Variants in ARPC2 observed in about 807,000 individuals in gnomAD.
The protein encoded by ARPC2 is actin related protein 2/3 complex subunit 2.
A neutral mutation model predicts 38.6 loss-of-function variants in ARPC2; 4 were observed. The observed-to-expected ratio is 0.10, with a 90% CI of 0.05 to 0.24. The LOEUF (loss-of-function observed/expected upper bound fraction) is 0.24, where lower values mean the gene tolerates loss of function less well. Among genes scored for constraint, ARPC2 ranks in the 10% least tolerant of loss-of-function variants. The probability of loss-of-function intolerance (pLI) is 1.00; values close to 1 mark genes in which losing one functional copy is unlikely to be tolerated. For synonymous variants in ARPC2, 125 were observed against 140.8 expected (o/e 0.89, Z 0.79); for missense variants, 229 against 387.3 (o/e 0.59, Z 3.43).
chr2:218,230,387 G>T (rs960167392), intron 4 of ARPC2, among the ~76,000 whole-genome samples: 7 of 138,890 alleles, frequency 5.0e-5, no homozygotes, highest in African/African-American at 1.9e-4. Context: ...AACCTCCCAG[G>T]CTCAAGCAGT....
At position 218,249,452 on chromosome 2, in the gene ARPC2, C is replaced by A. The variant is rs150855660; in HGVS notation, c.765C>A (p.Ile255=). 653 of 1,608,824 alleles carry A rather than the reference C, an allele frequency of 4.1e-4. 2 individuals are homozygous for A. The African/African-American group carries it at 5.9e-3, about 14-fold the overall frequency. Residue 255 remains isoleucine (I), a synonymous_variant, in exon 9 of 11, where the codon ATC becomes ATA. Transcript: ENST00000315717. ...TCCGGGACTACCTGCACTACCACAT[C>A]AAGTGCTCTAAGGTGAGGGGGGTGC... The part of the protein sequence containing the change: ...HTFRDYLHYH[I]KCSKAYIHTR...
At chr2:218,245,199 T>G (rs1471310013) in intron 7 of ARPC2, among the ~76,000 whole-genome samples, 1 of 152,224 alleles carries the variant, frequency 6.6e-6, no homozygotes, top group Non-Finnish European at 1.5e-5. Flanking sequence ...ATTTTGAAGA[T>G]CTGACTTATT....
At chr2:218,244,349 T>G (rs1038293516) in intron 7 of ARPC2, among the ~76,000 whole-genome samples, 1 of 152,240 alleles carries the variant, frequency 6.6e-6, no homozygotes, top group African/African-American at 2.4e-5. Flanking sequence ...GGCTTGCTAA[T>G]CAGTGTTTAT....
intron 3 of ARPC2, among the ~76,000 whole-genome samples, chr2:218,227,683 C>T (rs577849332): frequency 2.0e-5 from 3 of 152,202 alleles, no homozygotes; most frequent in Admixed American, 6.5e-5. Flanking sequence ...CTCCACCCCC[C>T]GGGTTCAAGC....
chr2:218,218,314 C>T (rs768417805), intron 2 of ARPC2, among the ~76,000 whole-genome samples: 3 of 152,182 alleles, frequency 2.0e-5, no homozygotes, highest in Non-Finnish European at 2.9e-5. Context: ...GTAGCCCTGG[C>T]CCAGTTACAC....
chr2:218,243,293 G>A (rs1689959245), intron 7 of ARPC2, among the ~76,000 whole-genome samples: 1 of 152,172 alleles, frequency 6.6e-6, no homozygotes, highest in Non-Finnish European at 1.5e-5. Context: ...ATGATAAATA[G>A]TACTTTGGAA....
chr2:218,230,873 TGC>T (rs1689618911), intron 4 of ARPC2, among the ~76,000 whole-genome samples: 2 of 152,104 alleles, frequency 1.3e-5, no homozygotes, highest in Non-Finnish European at 2.9e-5. Flanking sequence ...AAGATCTAAA[TGC>T]AATAATAATA....
At position 218,249,425 on chromosome 2, in the gene ARPC2, G is replaced by A. The variant is rs748832042; in HGVS notation, c.738G>A (p.Thr246=). Residue 246 remains threonine (T), a synonymous_variant, in exon 9 of 11, where the codon ACG becomes ACA. Transcript: ENST00000315717. ...ACAACACCATCAACCTGATCCACAC[G>A]TTCCGGGACTACCTGCACTACCACA... is the stretch of plus-strand genomic sequence containing the variant. ...ARDNTINLIH[T]FRDYLHYHIK... is the part of the protein sequence containing the mutation. The A allele has an allele frequency of 1.5e-5, 24 of 1,613,358 alleles. No individual in the cohort carries two copies. The highest frequency in any genetic ancestry group is 5.3e-5 in the African/African-American group (4 of 74,844).
At chr2:218,227,458 CTG>C (rs1198538523) in intron 3 of ARPC2, among the ~76,000 whole-genome samples, 1 of 152,192 alleles carries the variant, frequency 6.6e-6, no homozygotes, top group African/African-American at 2.4e-5. Flanking sequence ...GAGTCTCACT[CTG>C]TCACCCAGGC....
chr2:218,232,233 T>TC (rs1192241186), intron 4 of ARPC2, among the ~76,000 whole-genome samples: 1 of 151,600 alleles, frequency 6.6e-6, no homozygotes, highest in Non-Finnish European at 1.5e-5. Context: ...AGAGTGAGAC[T>TC]CCGTCTCAAA....
chr2:218,229,464 A>G (rs1042854093), intron 4 of ARPC2, among the ~76,000 whole-genome samples: 6 of 152,234 alleles, frequency 3.9e-5, no homozygotes, highest in Non-Finnish European at 7.3e-5. Context: ...AGAAAATGCT[A>G]TTACACCAGT....
intron 7 of ARPC2, among the ~76,000 whole-genome samples, chr2:218,240,524 T>TG (rs983501393): frequency 2.0e-5 from 3 of 152,182 alleles, no homozygotes; most frequent in African/African-American, 4.8e-5. Flanking sequence ...GTAGAGTTGT[T>TG]GAACTGACAG....
chr2:218,217,455 G>A lies in ARPC2; in HGVS notation c.-8-8G>A, dbSNP rs750665344. 1.2e-6 allele frequency: 2 copies of A among 1,613,294 alleles called. No individual in the cohort carries two copies. The highest frequency in any genetic ancestry group is 8.5e-7 in the Non-Finnish European group (1 of 1,179,438). On this transcript the variant is annotated splice_polypyrimidine_tract_variant and splice_region_variant and intron_variant, in intron 1 of 10. Transcript: ENST00000315717. ...ACCGGCCCTTGTTTCTCCTTCCCCT[G>A]GGGGCAGCCGCCGCCATGATCCTGC... is the stretch of plus-strand genomic sequence containing the variant.
intron 3 of ARPC2, chr2:218,227,188 C>T (rs1689520605): frequency 3.0e-6 from 1 of 333,644 alleles, no homozygotes; most frequent in African/African-American, 2.1e-5. Flanking sequence ...TGATGGCACT[C>T]AGCACCTAAT....
chr2:218,247,500 G>C (rs1690069214), intron 8 of ARPC2, among the ~76,000 whole-genome samples: 1 of 151,912 alleles, frequency 6.6e-6, no homozygotes, highest in Non-Finnish European at 1.5e-5. Context: ...CTTTCTCTCT[G>C]TCACCCAGGC....
At chr2:218,233,560 G>A (rs1345255635) in intron 4 of ARPC2, 2 of 151,648 alleles carry the variant, frequency 1.3e-5, no homozygotes, top group Admixed American at 6.6e-5. Context: ...AGTATTAATA[G>A]CTAGCTAAGA....
intron 5 of ARPC2, among the ~76,000 whole-genome samples, 157 bp from the exon 6 acceptor site, chr2:218,238,507 T>G (rs1559480483): frequency 6.6e-6 from 1 of 151,760 alleles, no homozygotes; most frequent in African/African-American, 2.4e-5. Context: ...GTACAGATAA[T>G]GAGACAAAAT....
Position 218,246,832 on chromosome 2 carries a change from A to G in ARPC2, c.676+1286A>G, listed in dbSNP as rs762798115. 1.2e-3 allele frequency among the ~76,000 whole-genome samples: 182 copies of G among 152,186 alleles called. 1 individual carries two copies. The highest frequency in any genetic ancestry group is 1.7e-3 in the Non-Finnish European group (117 of 67,980). On this transcript the variant is annotated intron_variant, in intron 8 of 10. Transcript: ENST00000315717. The stretch of plus-strand genomic sequence containing the variant: ...CTAAAAATACAAAAATTAGTTGGAC[A>G]TGGTGACATGTGCCTATAGTCTATA...
chr2:218,253,880 T>C lies in ARPC2; in HGVS notation c.879-11T>C. Reference sequence around the variant, plus strand: ...AGAAACTGACCTTCGCACTTATCTCTCCTTTTGAAGGGGGAAGACGTTTTC... The same window carrying C: ...AGAAACTGACCTTCGCACTTATCTCCCCTTTTGAAGGGGGAAGACGTTTTC... On this transcript the variant is annotated splice_polypyrimidine_tract_variant and intron_variant, in intron 10 of 10. Coordinates refer to ENST00000315717, the MANE Select transcript of ARPC2 (RefSeq NM_152862.3). 6.2e-7 allele frequency: 1 copy of C among 1,613,886 alleles called. No individual in the cohort carries two copies. Among genetic ancestry groups the C allele is most frequent in the Non-Finnish European group, 8.5e-7 (1 of 1,179,966 alleles).
Sources: allele counts gnomAD v4.1 joint callset (sites outside exome capture counted in the v4.1 genomes callset), GRCh38; gene constraint gnomAD v4.1.1; transcripts MANE v1.5; gene names NCBI Gene and HGNC (gene_info 2026-07-23, HGNC 2026-07-21).